The following SHLD2 variants were observed in gnomAD, a reference collection of about 807,000 sequenced individuals.
SHLD2 encodes shieldin complex subunit 2, also known as RINN1-REV7-interacting novel NHEJ regulator 2.
In SHLD2, 30 loss-of-function variants were observed where a neutral mutation model predicts 73.2. That is an observed-to-expected ratio of 0.41 (90% CI 0.31 to 0.56). SHLD2 has a LOEUF of 0.56. SHLD2 is among the 20% of genes least tolerant of loss of function. The probability of loss-of-function intolerance (pLI) is 0.28; values close to 1 mark genes in which losing one functional copy is unlikely to be tolerated. For missense variants in SHLD2, 745 were observed against 1,055.9 expected (o/e 0.71, Z 4.08); for synonymous variants, 285 against 370.1 (o/e 0.77, Z 2.64).
In SHLD2 at chr10:87,151,693, T is replaced by C. The variant is rs759908160; in HGVS notation, c.339T>C (p.Ser113=). 24 of 1,611,740 alleles carry C rather than the reference T, an allele frequency of 1.5e-5. No homozygotes were observed. In the East Asian group the frequency reaches 5.3e-4, roughly 36 times the overall value. ...AGAAGATTCACTCCTCTAGACTGAG[T>C]GATATAACTAGCTCTAATATGCAAA... The part of the protein sequence containing the change: ...ESQKIHSSRL[S]DITSSNMQIC... Residue 113 remains serine, a synonymous_variant, in exon 3 of 10, where the codon AGT becomes AGC. Transcript: ENST00000298786.
chr10:87,183,059 G>A (rs928877855), intron 8 of SHLD2, among the ~76,000 whole-genome samples: 5 of 152,198 alleles, frequency 3.3e-5, no homozygotes, highest in African/African-American at 7.2e-5. Context: ...GCAGAGAAGC[G>A]GTAAGAGGCT....
chr10:87,131,720 G>T (rs1445446971), intron 2 of SHLD2, among the ~76,000 whole-genome samples: 1 of 152,028 alleles, frequency 6.6e-6, no homozygotes, highest in African/African-American at 2.4e-5. Context: ...ATTCTTTTGG[G>T]TATATACCTC....
intron 2 of SHLD2, among the ~76,000 whole-genome samples, chr10:87,139,765 C>T (rs971400611): frequency 9.9e-5 from 15 of 152,056 alleles, no homozygotes; most frequent in African/African-American, 3.4e-4. Flanking sequence ...GCAGAGGTTG[C>T]AGTGAGCTGA....
chr10:87,140,777 A>C (rs1371942934), intron 2 of SHLD2, among the ~76,000 whole-genome samples: 2 of 152,208 alleles, frequency 1.3e-5, no homozygotes, highest in Admixed American at 6.5e-5. Flanking sequence ...CCTGGGCAAC[A>C]TAGTGATACC....
chr10:87,159,708 G>C (rs571807307), intron 4 of SHLD2, among the ~76,000 whole-genome samples: 1 of 152,178 alleles, frequency 6.6e-6, no homozygotes, highest in Non-Finnish European at 1.5e-5. Flanking sequence ...ATTTTCTGAT[G>C]ATGTGGGTCT....
chr10:87,175,116 CAAAAA>C (rs55718551), intron 6 of SHLD2, among the ~76,000 whole-genome samples: 1 of 84,742 alleles, frequency 1.2e-5, no homozygotes. Context: ...GACTCCATCT[CAAAAA>C]AAAAAAAAAA....
intron 2 of SHLD2, among the ~76,000 whole-genome samples, chr10:87,123,616 T>A (rs1843779620): frequency 6.6e-6 from 1 of 152,222 alleles, no homozygotes; most frequent in Non-Finnish European, 1.5e-5. Context: ...AGTTTTGCTG[T>A]CACCCTAATA....
chr10:87,187,088 A>G lies in SHLD2; in HGVS notation c.2403A>G (p.Pro801=). The change falls in exon 9 of 10, where the codon CCA becomes CCG. Residue 801 remains proline, a synonymous_variant. Transcript: ENST00000298786. ...PFTMKKIYYR[P]ALMTAIDGRH... ...TGTGTTGTTTACTCTTTTGTAGGCC[A>G]GCGTTAATGACTGCCATTGATGGAA... 3 of 1,601,342 alleles carry G rather than the reference A, an allele frequency of 1.9e-6. No homozygotes were observed. The highest frequency in any genetic ancestry group is 2.6e-6 in the Non-Finnish European group (3 of 1,168,668).
At chr10:87,165,530 C>T (rs181101445) in intron 4 of SHLD2, among the ~76,000 whole-genome samples, 31 of 152,228 alleles carry the variant, frequency 2.0e-4, no homozygotes, top group Admixed American at 1.6e-3. Context: ...AAATGCATAA[C>T]TTCATTCCAA....
chr10:87,161,136 C>T (rs1207191530), intron 4 of SHLD2, among the ~76,000 whole-genome samples: 1 of 152,066 alleles, frequency 6.6e-6, no homozygotes, highest in Admixed American at 6.6e-5. Context: ...AGTGATATAA[C>T]AGAATGCAAA....
At chr10:87,149,418 T>C (rs1173345343) in intron 2 of SHLD2, among the ~76,000 whole-genome samples, 1 of 152,072 alleles carries the variant, frequency 6.6e-6, no homozygotes, top group African/African-American at 2.4e-5. Context: ...TGATTCTTAA[T>C]CATTTTTTTA....
upstream of SHLD2, chr10:87,094,625 C>G: frequency 6.2e-7 from 1 of 1,609,268 alleles, no homozygotes; most frequent in Non-Finnish European, 8.5e-7. The surrounding 1 kb of genome is among the most constrained non-coding windows in gnomAD (Gnocchi z 6.6). Context: ...TGGCGCCGGG[C>G]GGCCAATGCC....
At chr10:87,105,422 T>C (rs1172291037) in intron 2 of SHLD2, among the ~76,000 whole-genome samples, 1 of 152,188 alleles carries the variant, frequency 6.6e-6, no homozygotes, top group Non-Finnish European at 1.5e-5. Flanking sequence ...GACATGTCAA[T>C]GAAGGACTAG....
rs1846217335 is a variant in SHLD2, at chr10:87,154,210, G to C, written c.1525+1331G>C. On this transcript the variant is annotated intron_variant, in intron 3 of 9. Transcript: ENST00000298786. ...CTGGACCAGTTCACCCCTCCTTAGG[G>C]AACCTGTGGTCCTCCACTCCCAGGA... The C allele has an allele frequency of 2.0e-5, 3 of 151,518 alleles. No homozygotes were observed. In the South Asian group the frequency reaches 6.3e-4, roughly 32 times the overall value. The allele number at this position is 151,518 out of a possible 1,614,324, so 9.4% of individuals were successfully genotyped here.
chr10:87,180,937 A>C (rs1194607638), intron 8 of SHLD2, among the ~76,000 whole-genome samples: 1 of 152,194 alleles, frequency 6.6e-6, no homozygotes. Flanking sequence ...GATATATTCC[A>C]CATGTTATCA....
chr10:87,166,937 T>C (rs1479315917), intron 4 of SHLD2, among the ~76,000 whole-genome samples: 1 of 141,520 alleles, frequency 7.1e-6, no homozygotes, highest in East Asian at 2.0e-4. Flanking sequence ...TTTGAAGGTG[T>C]TACATTTTGG....
chr10:87,164,777 A>G (rs368005937), intron 4 of SHLD2, among the ~76,000 whole-genome samples: 13 of 152,214 alleles, frequency 8.5e-5, no homozygotes, highest in Non-Finnish European at 1.3e-4. Context: ...TAAAATCTTT[A>G]CAAATCCTTA....
At chr10:87,178,628 A>G (rs1271949755) in intron 7 of SHLD2, among the ~76,000 whole-genome samples, 2 of 151,876 alleles carry the variant, frequency 1.3e-5, no homozygotes, top group Admixed American at 1.3e-4. Flanking sequence ...AGGTGGGAGG[A>G]TCACTTGTGC....
chr10:87,151,082 C>G (rs1297115702), intron 2 of SHLD2, among the ~76,000 whole-genome samples: 2 of 152,146 alleles, frequency 1.3e-5, no homozygotes, highest in Non-Finnish European at 2.9e-5. Context: ...CTCGGCCTCC[C>G]AAAGAGCTGG....
Sources: gnomAD v4.1 joint callset for allele counts (sites outside exome capture counted in the v4.1 genomes callset) on GRCh38, gnomAD v4.1.1 for gene constraint, Gnocchi (gnomAD v3.1) non-coding constraint, MANE v1.5 for transcripts, NCBI Gene and HGNC (gene_info 2026-07-23, HGNC 2026-07-21) for gene names.